The following GHR variants were observed in gnomAD, a reference collection of about 807,000 sequenced individuals.
The protein encoded by GHR is GH receptor.
A neutral mutation model predicts 67.1 loss-of-function variants in GHR; 35 were observed. That is an observed-to-expected ratio of 0.52 (90% CI 0.40 to 0.69). The LOEUF is 0.69. GHR is among the 30% of genes least tolerant of loss of function. GHR has a pLI of 0.00. For synonymous variants in GHR, 272 were observed against 269.1 expected (o/e 1.01, Z -0.10); for missense variants, 792 against 764.6 (o/e 1.04, Z -0.42).
chr5:42,662,518 C>A (rs911068429), intron 3 of GHR, among the ~76,000 whole-genome samples: 2 of 152,054 alleles, frequency 1.3e-5, no homozygotes, highest in African/African-American at 4.8e-5. Context: ...GGGTACATAA[C>A]AAAATGAAGG....
At chr5:42,591,380 C>G (rs573852727) in intron 2 of GHR, among the ~76,000 whole-genome samples, 1 of 152,316 alleles carries the variant, frequency 6.6e-6, no homozygotes, top group South Asian at 2.1e-4. Context: ...CTGATTTTCT[C>G]TTTCAGAACA....
chr5:42,664,659 A>G (rs1755854103), intron 3 of GHR, among the ~76,000 whole-genome samples: 1 of 152,246 alleles, frequency 6.6e-6, no homozygotes, highest in Admixed American at 6.5e-5. Flanking sequence ...AAACCTAGGC[A>G]TTATCATTCA....
rs989904313 is a variant in GHR at position 42,719,961 on chromosome 5, A to G, written c.*537A>G. The G allele has an allele frequency of 1.2e-4, 12 of 101,118 alleles. No individual in the cohort carries two copies. Among genetic ancestry groups the G allele is most frequent in the Non-Finnish European group, 1.9e-4 (10 of 53,222 alleles). 6.3% of individuals were successfully genotyped at this position (101,118 alleles called of 1,614,324 possible). On this transcript the variant is annotated 3_prime_UTR_variant, in exon 10 of 10. Transcript: ENST00000230882. ...ACATTTATTTTGACATAAAGTTGAT[A>G]AAGATTTTTTAATAATTTAGACTTC...
chr5:42,463,768 T>C (rs895283958), intron 1 of GHR, among the ~76,000 whole-genome samples: 2 of 151,108 alleles, frequency 1.3e-5, no homozygotes, highest in African/African-American at 2.4e-5. Context: ...CCGAGGCGGG[T>C]GGATCACGAG....
intron 3 of GHR, among the ~76,000 whole-genome samples, chr5:42,679,969 C>T (rs1379975350): frequency 6.6e-6 from 1 of 152,224 alleles, no homozygotes; most frequent in Non-Finnish European, 1.5e-5. Flanking sequence ...CTTCTTTGCT[C>T]ATCAAACCTT....
intron 1 of GHR, chr5:42,548,058 T>G: frequency 2.0e-6 from 2 of 984,704 alleles, no homozygotes; most frequent in Non-Finnish European, 2.4e-6. Flanking sequence ...TCTCAGCTGA[T>G]TTGGCTGCCT....
At chr5:42,626,054 C>A (rs1391223194) in intron 2 of GHR, among the ~76,000 whole-genome samples, 2 of 152,254 alleles carry the variant, frequency 1.3e-5, no homozygotes, top group East Asian at 3.9e-4. Flanking sequence ...CTCCCCAGAA[C>A]CCTTAGGTAG....
intron 1 of GHR, among the ~76,000 whole-genome samples, chr5:42,492,230 T>C (rs1746144703): frequency 6.6e-6 from 1 of 152,182 alleles, no homozygotes; most frequent in East Asian, 1.9e-4. Context: ...AAAGGCTGAA[T>C]TTTTAAAAGC....
At chr5:42,624,944 T>C (rs1487920063) in intron 2 of GHR, among the ~76,000 whole-genome samples, 1 of 152,240 alleles carries the variant, frequency 6.6e-6, no homozygotes, top group African/African-American at 2.4e-5. Context: ...CCCGCCACTT[T>C]AAAATCAAGG....
intron 2 of GHR, among the ~76,000 whole-genome samples, chr5:42,611,441 A>G (rs1215986895): frequency 6.6e-6 from 1 of 152,208 alleles, no homozygotes; most frequent in Middle Eastern, 3.4e-3. Context: ...ACCCACCACT[A>G]TCTCTTTGTT....
At chr5:42,699,780 A>T in intron 5 of GHR, 44 bp from the exon 6 acceptor site, 2 of 1,304,222 alleles carry the variant, frequency 1.5e-6, no homozygotes, top group Non-Finnish European at 2.2e-6. Flanking sequence ...CATTAATATT[A>T]AATTGTGTCT....
At chr5:42,468,271 T>C (rs1195297647) in intron 1 of GHR, 7 of 1,567,064 alleles carry the variant, frequency 4.5e-6, no homozygotes, top group Non-Finnish European at 4.4e-6. Context: ...CTTTTTCACC[T>C]TCACTGGGCG....
At chr5:42,445,770 C>T (rs1743782324) in intron 1 of GHR, among the ~76,000 whole-genome samples, 1 of 152,122 alleles carries the variant, frequency 6.6e-6, no homozygotes, top group African/African-American at 2.4e-5. Flanking sequence ...ACTTGTTAAG[C>T]TCAGTATGCT....
chr5:42,514,473 T>TTAA, intron 1 of GHR: 1 of 192,198 alleles, frequency 5.2e-6, no homozygotes, highest in Non-Finnish European at 9.3e-6. Flanking sequence ...GTTCTAGATT[T>TTAA]AAAAAAAAAA....
At chr5:42,605,232 T>C (rs1403845804) in intron 2 of GHR, among the ~76,000 whole-genome samples, 1 of 151,488 alleles carries the variant, frequency 6.6e-6, no homozygotes, top group Non-Finnish European at 1.5e-5. Context: ...GCCTCCCGAG[T>C]AGCTGGGATT....
At chr5:42,684,849 T>C (rs1350058158) in intron 3 of GHR, among the ~76,000 whole-genome samples, 1 of 152,170 alleles carries the variant, frequency 6.6e-6, no homozygotes, top group Non-Finnish European at 1.5e-5. Context: ...AACTCAGGAT[T>C]TTCTGAAGAT....
chr5:42,461,876 C>T (rs1744501729), intron 1 of GHR, among the ~76,000 whole-genome samples: 2 of 152,216 alleles, frequency 1.3e-5, no homozygotes, highest in African/African-American at 4.8e-5. Context: ...CTGGTAGGGA[C>T]TAGGTAAGGA....
intron 1 of GHR, among the ~76,000 whole-genome samples, chr5:42,556,537 G>A (rs1749319034): frequency 6.6e-6 from 1 of 152,128 alleles, no homozygotes; most frequent in South Asian, 2.1e-4. Context: ...GAGAAAAAAA[G>A]TAGAAAGTCA....
intron 3 of GHR, among the ~76,000 whole-genome samples, chr5:42,671,784 G>C (rs1416003075): frequency 6.6e-6 from 1 of 151,716 alleles, no homozygotes; most frequent in Non-Finnish European, 1.5e-5. Context: ...GTGAAACCCA[G>C]TCTCTACTAA....
Sources: gnomAD v4.1 joint callset for allele counts (sites outside exome capture counted in the v4.1 genomes callset) on GRCh38, gnomAD v4.1.1 for gene constraint, MANE v1.5 for transcripts, NCBI Gene and HGNC (gene_info 2026-07-23, HGNC 2026-07-21) for gene names.